LRRCC1: variants seen among roughly 807,000 people sequenced by gnomAD.
The protein encoded by LRRCC1 is leucine-rich repeat and coiled-coil domain-containing protein 1.
LRRCC1 carries 115 observed loss-of-function variants against 126.0 expected under a neutral mutation model. That is an observed-to-expected ratio of 0.91 (90% confidence interval 0.78 to 1.07). The LOEUF (loss-of-function observed/expected upper bound fraction) is 1.07, where lower values mean the gene tolerates loss of function less well. Among genes scored for constraint, LRRCC1 ranks in the 50% least tolerant of loss-of-function variants. The pLI, the probability that LRRCC1 is intolerant of heterozygous loss-of-function variation, is 0.00. For synonymous variants in LRRCC1, 400 were observed against 393.4 expected (o/e 1.02, Z -0.20); for missense variants, 1,172 against 1,175.7 (o/e 1.00, Z 0.05).
intron 1 of LRRCC1, among the ~76,000 whole-genome samples, chr8:85,108,072 C>T (rs1164766168): frequency 6.6e-6 from 1 of 152,200 alleles, no homozygotes. Context: ...TCTTTAGTCT[C>T]GACCCGTAAC....
intron 6 of LRRCC1, among the ~76,000 whole-genome samples, chr8:85,123,078 A>T (rs1171340676): frequency 6.6e-6 from 1 of 152,138 alleles, no homozygotes; most frequent in African/African-American, 2.4e-5. Context: ...TAAAAACCAT[A>T]AAAAAACAGA....
In LRRCC1 at chr8:85,141,392, G is replaced by C. The variant is rs774603584; in HGVS notation, c.2851G>C (p.Glu951Gln). The C allele has an allele frequency of 3.4e-5, 54 of 1,610,802 alleles. No individual in the cohort carries two copies. The Admixed American group carries it at 8.9e-4, about 26-fold the overall frequency. Residue 951 changes from glutamate to glutamine, a missense_variant, in exon 18 of 19, where the codon GAA (glutamate) becomes CAA (glutamine). By Grantham distance (29) the Glu-to-Gln change is conservative. Transcript: ENST00000360375. The part of the protein sequence containing the change: ...KSIELQKNAM[E>Q]KLHSMDDAFK... ...TCTTGTTTTTTTAAGGAATGCAATG[G>C]AAAAACTTCATAGTATGGATGATGC... is the stretch of plus-strand genomic sequence containing the variant.
chr8:85,115,287 A>C lies in LRRCC1; in HGVS notation c.720+12A>C. 1 of 1,571,934 alleles carries C rather than the reference A, an allele frequency of 6.4e-7. No homozygotes were observed. The highest frequency in any genetic ancestry group is 8.6e-7 in the Non-Finnish European group (1 of 1,156,766). ...TAAGTGAAGATGAGGTATAGTATTTACTTTTTTTTTCCTAATATAAAAAAT... is the reference window on the plus strand; with the variant it reads ...TAAGTGAAGATGAGGTATAGTATTTCCTTTTTTTTTCCTAATATAAAAAAT... On this transcript the variant is annotated intron_variant, in intron 5 of 18. Coordinates refer to ENST00000360375, the MANE Select transcript of LRRCC1 (RefSeq NM_033402.5).
At position 85,138,159 on chromosome 8, in the gene LRRCC1, A is replaced by G; in HGVS notation, c.2618A>G (p.Glu873Gly). 1.2e-6 allele frequency: 2 copies of G among 1,612,016 alleles called. No individual in the cohort carries two copies. The highest frequency in any genetic ancestry group is 2.2e-5 in the South Asian group (2 of 90,652). ...SQLDEVLEKL[E>G]RHNERKEKLK... ...CTGGATGAGGTACTTGAGAAGTTGG[A>G]AAGGCACAATGAAAGAAAAGAAAAA... The change falls in exon 16 of 19, where the codon GAA (glutamate) becomes GGA (glycine). Residue 873 changes from glutamate (E) to glycine (G), a missense_variant. Physicochemically the swap from Glu to Gly is moderately conservative, Grantham distance 98. Coordinates refer to ENST00000360375, the MANE Select transcript of LRRCC1 (RefSeq NM_033402.5).
chr8:85,132,040 A>AT, intron 12 of LRRCC1, 79 bp downstream of exon 12: 1 of 1,181,954 alleles, frequency 8.5e-7, no homozygotes, highest in Non-Finnish European at 1.2e-6. Context: ...TTTTAGAAAC[A>AT]TAGCTGTATT....
chr8:85,121,058 TA>T (rs1809515648), intron 6 of LRRCC1, among the ~76,000 whole-genome samples: 1 of 152,218 alleles, frequency 6.6e-6, no homozygotes, highest in Non-Finnish European at 1.5e-5. Context: ...TCAGCAGCAG[TA>T]TATGAAGGTT....
Position 85,124,933 on chromosome 8 carries a change from T to TTA in LRRCC1, c.1267_1268dup (p.Gln424ThrfsTer8). 1 of 1,587,678 alleles carries TTA rather than the reference T, an allele frequency of 6.3e-7. No homozygotes were observed. The highest frequency in any genetic ancestry group is 1.9e-5 in the Admixed American group (1 of 53,644). On this transcript the variant is annotated frameshift_variant, in exon 8 of 19. Coordinates refer to ENST00000360375, the MANE Select transcript of LRRCC1 (RefSeq NM_033402.5). LOFTEE classifies it high-confidence loss of function. ...ACCAAAGTCACTCAGAAGACAACAC[T>TTA]TACCAGGTATGATTTAAGAGTTAAA...
intron 18 of LRRCC1, 69 bp from the exon 19 acceptor site, chr8:85,145,319 CT>C (rs1414502734): frequency 2.5e-6 from 3 of 1,224,480 alleles, no homozygotes; most frequent in Non-Finnish European, 2.2e-6. Flanking sequence ...TGGACCTTTT[CT>C]TTCAGAATGC....
rs769561864 is a variant in LRRCC1, at chr8:85,126,751, T to C, written c.1335T>C (p.Asn445=). The C allele has an allele frequency of 1.9e-6, 3 of 1,613,038 alleles. No individual in the cohort carries two copies. Among genetic ancestry groups the C allele is most frequent in the East Asian group, 2.2e-5 (1 of 44,870 alleles). ...GATGGAGAGCTGAGCAAGCCGAAAA[T>C]AAACTCATGGATTATATTGATGAGC... ...EKRWRAEQAE[N]KLMDYIDELH... is the part of the protein sequence containing the mutation. The change falls in exon 9 of 19, where the codon AAT becomes AAC. Residue 445 remains asparagine (N), a synonymous_variant. Coordinates refer to ENST00000360375, the MANE Select transcript of LRRCC1 (RefSeq NM_033402.5).
intron 8 of LRRCC1, 99 bp downstream of exon 8, chr8:85,125,038 T>A (rs1809865995): frequency 2.5e-6 from 2 of 815,466 alleles, no homozygotes; most frequent in Non-Finnish European, 3.8e-6. Flanking sequence ...AGTGTTTGAA[T>A]TTTATTGGAG....
At chr8:85,108,459 G>A (rs1438478897) in intron 1 of LRRCC1, among the ~76,000 whole-genome samples, 3 of 152,134 alleles carry the variant, frequency 2.0e-5, no homozygotes, top group Admixed American at 6.5e-5. Context: ...ACTTCATGAA[G>A]AATTAAGTTC....
rs1031289369 is a variant in LRRCC1 at position 85,115,965 on chromosome 8, G to T, written c.930+381G>T. 2.6e-5 allele frequency among the ~76,000 whole-genome samples: 4 copies of T among 152,142 alleles called. No individual in the cohort carries two copies. In the South Asian group the frequency reaches 8.3e-4, roughly 32 times the overall value. ...CTACTATCTCTTCAGTGGTTTAATG[G>T]TCAAAATCACTTCTACAACTTATAG... is the stretch of plus-strand genomic sequence containing the variant. On this transcript the variant is annotated intron_variant, in intron 6 of 18. Coordinates refer to ENST00000360375, the MANE Select transcript of LRRCC1 (RefSeq NM_033402.5).
intron 1 of LRRCC1, chr8:85,108,513 A>C (rs939565371): frequency 3.9e-5 from 6 of 152,196 alleles, no homozygotes; most frequent in Admixed American, 3.9e-4. Flanking sequence ...TGCTTTTTCT[A>C]TCTCACATTA....
intron 3 of LRRCC1, 44 bp downstream of exon 3, chr8:85,110,224 C>T: frequency 1.2e-6 from 1 of 830,726 alleles, no homozygotes; most frequent in Non-Finnish European, 1.8e-6. Flanking sequence ...AATGTTGTGC[C>T]ACATGTGATA....
At chr8:85,133,331 T>C (rs1810622783) in intron 12 of LRRCC1, among the ~76,000 whole-genome samples, 1 of 152,188 alleles carries the variant, frequency 6.6e-6, no homozygotes. Flanking sequence ...CGTCACTTCT[T>C]TTCAGTCTCT....
At chr8:85,143,364 T>G (rs1587455813) in intron 18 of LRRCC1, among the ~76,000 whole-genome samples, 1 of 150,230 alleles carries the variant, frequency 6.7e-6, no homozygotes, top group Non-Finnish European at 1.5e-5. Flanking sequence ...GCATGGAGGC[T>G]TACACCTGTA....
At chr8:85,144,472 ATATTTTT>A (rs1563963684) in intron 18 of LRRCC1, among the ~76,000 whole-genome samples, 3 of 30,064 alleles carry the variant, frequency 1.0e-4, no homozygotes, top group Non-Finnish European at 1.7e-4. Context: ...ATATATATAT[ATATTTTT>A]TTTTTTTTTG....
intron 17 of LRRCC1, among the ~76,000 whole-genome samples, chr8:85,139,458 G>A (rs1811107860): frequency 6.6e-6 from 1 of 152,108 alleles, no homozygotes; most frequent in African/African-American, 2.4e-5. Flanking sequence ...TAGAGACTGA[G>A]TTTCACCATG....
intron 11 of LRRCC1, among the ~76,000 whole-genome samples, chr8:85,131,032 A>G (rs1810425011): frequency 1.3e-5 from 2 of 152,346 alleles, no homozygotes; most frequent in South Asian, 4.1e-4. Flanking sequence ...GTGAAATTGT[A>G]TGATTATCAT....
Sources: allele counts gnomAD v4.1 joint callset (sites outside exome capture counted in the v4.1 genomes callset), GRCh38; gene constraint gnomAD v4.1.1; transcripts MANE v1.5; gene names NCBI Gene and HGNC (gene_info 2026-07-23, HGNC 2026-07-21).